The following SLC6A3 variants were observed in gnomAD, a reference collection of about 807,000 sequenced individuals.
The protein encoded by SLC6A3 is sodium-dependent dopamine transporter.
In SLC6A3, 19 loss-of-function variants were observed where a neutral mutation model predicts 70.4. The ratio of observed to expected loss-of-function variants is 0.27; its 90% CI spans 0.19 to 0.40. The LOEUF (loss-of-function observed/expected upper bound fraction) is 0.40. Ranked by LOEUF, SLC6A3 falls within the 10% of genes least tolerant of loss-of-function variation. The pLI is 1.00. For missense variants in SLC6A3, 613 were observed against 838.5 expected, an observed-to-expected ratio of 0.73 and a Z score of 3.32; for synonymous variants, 368 against 356.6, an observed-to-expected ratio of 1.03 and a Z score of -0.36.
At chr5:1,420,372 G>C (rs112218969) in intron 6 of SLC6A3, among the ~76,000 whole-genome samples, 197 bp downstream of exon 6, 3 of 152,342 alleles carry the variant, frequency 2.0e-5, no homozygotes, top group African/African-American at 7.2e-5. Flanking sequence ...TGCAGCCTGA[G>C]TCTAGATGGA....
intron 8 of SLC6A3, among the ~76,000 whole-genome samples, chr5:1,414,446 G>A (rs189367307): frequency 5.5e-5 from 5 of 91,100 alleles, no homozygotes; most frequent in South Asian, 3.6e-4. Flanking sequence ...GTGGGGGGCC[G>A]GGAGGGGCAG....
rs1255397867 is a variant in SLC6A3 at position 1,393,252 on chromosome 5, G to C, written c.*1483C>G. 2.0e-5 allele frequency: 3 copies of C among 152,268 alleles called. No individual in the cohort carries two copies. Among genetic ancestry groups the C allele is most frequent in the African/African-American group, 7.2e-5 (3 of 41,468 alleles). The allele number at this position is 152,268 out of a possible 1,614,324, so 9.4% of individuals were successfully genotyped here. A position where few individuals can be genotyped will look rare whatever the true frequency, so the allele number is the denominator to read the frequency against. On this transcript the variant is annotated 3_prime_UTR_variant, in exon 15 of 15. Transcript: ENST00000270349. ...CACGTAGGCAGGCCCACCGACTTGA[G>C]GCATGAATTCAAACTATGGCATCCA...
Position 1,414,728 on chromosome 5 carries a change from C to G in SLC6A3, c.1119G>C (p.Gln373His), listed in dbSNP as rs1165636167. The part of the protein sequence containing the change: ...VVFSFLGYMA[Q>H]KHSVPIGDVA... ...CGTCCCCGATGGGCACACTGTGCTT[C>G]TGTGCCATGTACCCCAGGAAGGAGA... is the stretch of plus-strand genomic sequence containing the variant. The change falls in exon 8 of 15, where the codon CAG (glutamine) becomes CAC (histidine). Residue 373 changes from glutamine (Q) to histidine (H), a missense_variant. Transcript: ENST00000270349. The G allele has an allele frequency of 6.2e-7, 1 of 1,612,744 alleles. No homozygotes were observed. The highest frequency in any genetic ancestry group is 8.5e-7 in the Non-Finnish European group (1 of 1,179,852).
chr5:1,421,520 C>T lies in SLC6A3; in HGVS notation c.792+356G>A, dbSNP rs1409295569. On this transcript the variant is annotated intron_variant, in intron 5 of 14. Transcript: ENST00000270349. The surrounding 1 kb of genome is among the most constrained non-coding windows in gnomAD (Gnocchi z 7.2). ...CTGTGAGTGCTTCCCTCCTGAGGCC[C>T]TTCCCCAAACACAGCCACACGTGGA... Among the ~76,000 whole-genome samples the T allele has an allele frequency of 6.6e-6, 1 of 152,176 alleles. No homozygotes were observed. The highest frequency in any genetic ancestry group is 1.5e-5 in the Non-Finnish European group (1 of 68,038).
chr5:1,431,629 G>T (rs933332075), intron 4 of SLC6A3, among the ~76,000 whole-genome samples: 2 of 151,956 alleles, frequency 1.3e-5, no homozygotes, highest in South Asian at 4.2e-4. Context: ...TGGACGGTGT[G>T]GGGTGGGCCT....
At chr5:1,441,325 T>C (rs1381669892) in intron 3 of SLC6A3, 34 bp downstream of exon 3, 2 of 1,613,768 alleles carry the variant, frequency 1.2e-6, no homozygotes, top group East Asian at 2.2e-5. Context: ...TGATCCGCGC[T>C]GCGCCAGGGT....
rs565411115 is a variant in SLC6A3 at position 1,396,181 on chromosome 5, G to A, written c.1840-1423C>T. 1.4e-4 allele frequency among the ~76,000 whole-genome samples: 22 copies of A among 152,324 alleles called. No homozygotes were observed. Among genetic ancestry groups the A allele is most frequent in the South Asian group, 4.1e-4 (2 of 4,826 alleles). Reference sequence around the variant, plus strand: ...GGGGCAGGGCAGTGGAATGCGGAGCGTCCATAGCTGAGCTGTGGTTTGTTC... The same window carrying A: ...GGGGCAGGGCAGTGGAATGCGGAGCATCCATAGCTGAGCTGTGGTTTGTTC... On this transcript the variant is annotated intron_variant, in intron 14 of 14. Coordinates refer to ENST00000270349, the MANE Select transcript of SLC6A3 (RefSeq NM_001044.5). The surrounding 1 kb of genome is among the most constrained non-coding windows in gnomAD (Gnocchi z 7.0).
At chr5:1,429,832 CATGCAG>C in intron 4 of SLC6A3, among the ~76,000 whole-genome samples, 5 of 152,342 alleles carry the variant, frequency 3.3e-5, no homozygotes, top group Admixed American at 3.3e-4. Context: ...AGCAAGAGCA[CATGCAG>C]CCCAGGCCTG....
In SLC6A3 at chr5:1,414,679, G is replaced by A; in HGVS notation, c.1156+12C>T. The stretch of plus-strand genomic sequence containing the variant: ...ACACGGAGCAGGCCCAGGTGCAGCA[G>A]GAGGGGCTCACCGTCCTTGGCCACG... On this transcript the variant is annotated intron_variant, in intron 8 of 14. Transcript: ENST00000270349. The A allele has an allele frequency of 1.3e-5, 21 of 1,612,010 alleles. No homozygotes were observed. The highest frequency in any genetic ancestry group is 1.8e-5 in the Non-Finnish European group (21 of 1,179,584).
chr5:1,402,106 C>T lies in SLC6A3; in HGVS notation c.1767+816G>A, dbSNP rs888455405. 1.4e-4 allele frequency among the ~76,000 whole-genome samples: 22 copies of T among 152,170 alleles called. No homozygotes were observed. Among genetic ancestry groups the T allele is most frequent in the Admixed American group, 3.9e-4 (6 of 15,274 alleles). On this transcript the variant is annotated intron_variant, in intron 13 of 14. Coordinates refer to ENST00000270349, the MANE Select transcript of SLC6A3 (RefSeq NM_001044.5). This position sits in a 1 kb window ranked among gnomAD's most constrained non-coding sequence, Gnocchi z 8.5. ...GGCCCTAAGGTGGAATCCTTGAACA[C>T]AGCTGGTGCTGCTCTGGGGTTTTGA...
chr5:1,422,564 A>G (rs868128752), intron 4 of SLC6A3, among the ~76,000 whole-genome samples: 184 of 53,176 alleles, frequency 3.5e-3, no homozygotes, highest in Non-Finnish European at 3.8e-3. Context: ...CGCTGCCCAC[A>G]GTGCTGCCCA....
rs1179548644 is a variant in SLC6A3 at position 1,406,404 on chromosome 5, G to A, written c.1499-116C>T. The A allele has an allele frequency of 3.2e-5, 29 of 896,706 alleles. 1 individual carries two copies. Among genetic ancestry groups the A allele is most frequent in the South Asian group, 9.5e-5 (7 of 74,050 alleles). 55.5% of individuals were successfully genotyped at this position (896,706 alleles called of 1,614,324 possible). ...GCCCCACCTACCGGCCCCAGGCTTC[G>A]GCTGCACCCAGCCTCCTGCAGAGGA... On this transcript the variant is annotated intron_variant, in intron 11 of 14. Transcript: ENST00000270349. This position sits in a 1 kb window ranked among gnomAD's most constrained non-coding sequence, Gnocchi z 8.8.
At chr5:1,400,830 C>T (rs1352813981) in intron 14 of SLC6A3, 85 bp downstream of exon 14, 23 of 950,770 alleles carry the variant, frequency 2.4e-5, no homozygotes, top group African/African-American at 1.2e-4. Flanking sequence ...ACACCAGCCT[C>T]GGAGCCCCCT....
intron 6 of SLC6A3, 108 bp downstream of exon 6, chr5:1,420,461 T>C: frequency 7.6e-7 from 1 of 1,312,262 alleles, no homozygotes; most frequent in Non-Finnish European, 1.1e-6. Flanking sequence ...GAAAGAACCC[T>C]GGTGTCTGCA....
In SLC6A3 at chr5:1,405,267, T is replaced by G. The variant is rs571523336; in HGVS notation, c.1599+921A>C. Among the ~76,000 whole-genome samples, 6 of 152,322 alleles carry G rather than the reference T, an allele frequency of 3.9e-5. No individual in the cohort carries two copies. Among genetic ancestry groups the G allele is most frequent in the African/African-American group, 1.4e-4 (6 of 41,588 alleles). On this transcript the variant is annotated intron_variant, in intron 12 of 14. Transcript: ENST00000270349. The surrounding 1 kb of genome is among the most constrained non-coding windows in gnomAD (Gnocchi z 5.3). ...GCTCCTCCGGGATAGGGCCTGTCTC[T>G]CATCTCTTTCCTGTACCCCGGAACC...
At chr5:1,415,387 T>C (rs559510605) in intron 7 of SLC6A3, among the ~76,000 whole-genome samples, 6 of 152,192 alleles carry the variant, frequency 3.9e-5, no homozygotes, top group East Asian at 1.9e-4. Context: ...GACCACACAC[T>C]TCATCTGCAG....
At chr5:1,409,441 A>G (rs1161844687) in intron 10 of SLC6A3, among the ~76,000 whole-genome samples, 1 of 152,040 alleles carries the variant, frequency 6.6e-6, no homozygotes. Flanking sequence ...CTCTGCCACC[A>G]CACCCCCAGC....
intron 3 of SLC6A3, among the ~76,000 whole-genome samples, chr5:1,435,667 C>A (rs1756812019): frequency 6.6e-6 from 1 of 152,244 alleles, no homozygotes; most frequent in African/African-American, 2.4e-5. Context: ...CCAAGAGGAC[C>A]CCTCCTGGTT....
In SLC6A3 at chr5:1,406,286, C is replaced by T. The variant is rs769494437; in HGVS notation, c.1501G>A (p.Val501Ile). The T allele has an allele frequency of 1.9e-6, 3 of 1,612,448 alleles. No homozygotes were observed. Among genetic ancestry groups the T allele is most frequent in the Non-Finnish European group, 1.7e-6 (2 of 1,179,500 alleles). ...TGGATGTCGTCGCTGAACTGCCCAA[C>T]ACCTGAGGGAGAAGAGGTGGCATCA... ...EAIGVAWFYG[V>I]GQFSDDIQQM... The change falls in exon 12 of 15, where the codon GTT (valine) becomes ATT (isoleucine). Residue 501 changes from valine (V) to isoleucine (I), a missense_variant and splice_region_variant. Val to Ile is a conservative substitution (Grantham distance 29, BLOSUM62 3). Transcript: ENST00000270349. The surrounding 1 kb of genome is among the most constrained non-coding windows in gnomAD (Gnocchi z 8.8).
Sources: allele counts gnomAD v4.1 joint callset (sites outside exome capture counted in the v4.1 genomes callset), GRCh38; gene constraint gnomAD v4.1.1; non-coding constraint Gnocchi (gnomAD v3.1); transcripts MANE v1.5; gene names NCBI Gene and HGNC (gene_info 2026-07-23, HGNC 2026-07-21).